The following ULK1 variants were observed in gnomAD, a reference collection of about 807,000 sequenced individuals.
ULK1 encodes unc-51 like autophagy activating kinase 1, also known as serine/threonine-protein kinase ULK1.
A neutral mutation model predicts 117.5 loss-of-function variants in ULK1; 48 were observed. That is an observed-to-expected ratio of 0.41 (90% CI 0.32 to 0.52). The LOEUF (loss-of-function observed/expected upper bound fraction) is 0.52. ULK1 is among the 20% of genes least tolerant of loss of function. The pLI, the probability that ULK1 is intolerant of heterozygous loss-of-function variation, is 0.29. For missense variants in ULK1, 1,387 were observed against 1,473.4 expected (o/e 0.94, Z 0.96); for synonymous variants, 790 against 637.8 (o/e 1.24, Z -3.60).
intron 12 of ULK1, 68 bp downstream of exon 12, chr12:131,910,868 G>A: frequency 1.9e-6 from 3 of 1,597,522 alleles, no homozygotes; most frequent in South Asian, 2.2e-5. Context: ...CCAGCCCTGG[G>A]CCCCCGCGGG....
rs1050751677 is a variant in ULK1, at chr12:131,909,058, G to A, written c.565-78G>A. On this transcript the variant is annotated intron_variant, in intron 7 of 27. Transcript: ENST00000321867. ...GCTGGCGTGTGGTGCGCTCTGCTCT[G>A]GTTGGCTGTGGCCTGGCGGGCACCT... The A allele has an allele frequency of 3.4e-5, 55 of 1,608,558 alleles. 1 individual carries two copies. The highest frequency in any genetic ancestry group is 4.2e-5 in the Non-Finnish European group (50 of 1,178,284).
chr12:131,904,140 G>C (rs1434535807), intron 3 of ULK1, among the ~76,000 whole-genome samples: 1 of 151,966 alleles, frequency 6.6e-6, no homozygotes, highest in African/African-American at 2.4e-5. Context: ...GGGTCTCCCT[G>C]GTGGGCCTCT....
In ULK1 at chr12:131,908,943, C is replaced by T; in HGVS notation, c.536C>T (p.Ala179Val). The T allele has an allele frequency of 6.2e-7, 1 of 1,612,602 alleles. No individual in the cohort carries two copies. Among genetic ancestry groups the T allele is most frequent in the South Asian group, 1.1e-5 (1 of 91,088 alleles). Residue 179 changes from alanine to valine, a missense_variant, in exon 7 of 28, where the codon GCC becomes GTC. This residue lies in a region of ULK1 where 224 missense variants were observed against 325.2 expected (regional missense o/e 0.69). Transcript: ENST00000321867. Reference sequence around the variant, plus strand: ...TACCTCCAGAGCAACATGATGGCGGCCACACTCTGCGGCTCCCCCATGTAC... The same window carrying T: ...TACCTCCAGAGCAACATGATGGCGGTCACACTCTGCGGCTCCCCCATGTAC... ...ARYLQSNMMAATLCGSPMYMA... is the reference protein window; with the variant it reads ...ARYLQSNMMAVTLCGSPMYMA...
Position 131,922,119 on chromosome 12 carries a change from T to G in ULK1, c.*758T>G. On this transcript the variant is annotated 3_prime_UTR_variant, in exon 28 of 28. Transcript: ENST00000321867. ...GTGTTCTCTCAGCCCTGGATACGTC[T>G]TGTAATCTTTCACACTTTATTCCTA... 2.4e-6 allele frequency: 1 copy of G among 414,284 alleles called. No individual in the cohort carries two copies. The highest frequency in any genetic ancestry group is 4.9e-6 in the Non-Finnish European group (1 of 205,878). The allele number at this position is 414,284 out of a possible 1,614,324, so 25.7% of individuals were successfully genotyped here. A position where few individuals can be genotyped will look rare whatever the true frequency, so the allele number is the denominator to read the frequency against.
At chr12:131,901,366 A>G (rs1354416166) in intron 3 of ULK1, among the ~76,000 whole-genome samples, 5 of 152,078 alleles carry the variant, frequency 3.3e-5, no homozygotes, top group Non-Finnish European at 7.4e-5. Context: ...AAAAAAAAAA[A>G]AAAGAAAAAA....
rs759999368 is a variant in ULK1 at position 131,915,145 on chromosome 12, C to T, written c.1436C>T (p.Ser479Leu). The T allele has an allele frequency of 1.9e-5, 31 of 1,606,034 alleles. No individual in the cohort carries two copies. The highest frequency in any genetic ancestry group is 1.3e-4 in the East Asian group (6 of 44,780). The change falls in exon 17 of 28, where the codon TCG becomes TTG. Residue 479 changes from serine (S) to leucine (L), a missense_variant. This residue lies in a region of ULK1 where 900 missense variants were observed against 858.9 expected (regional missense o/e 1.05). Transcript: ENST00000321867. Reference protein sequence around the residue: ...SPLGFARASPSPPAHAEHGGV... With the variant: ...SPLGFARASPLPPAHAEHGGV... ...CTGGGCTTTGCAAGGGCCAGCCCCT[C>T]GCCCCCTGCCCACGCTGAGCATGGA...
chr12:131,916,632 C>T, intron 20 of ULK1, 41 bp downstream of exon 20: 1 of 1,495,028 alleles, frequency 6.7e-7, no homozygotes, highest in African/African-American at 1.4e-5. Flanking sequence ...TTCTGAGGGG[C>T]AGCCTCTTTC....
chr12:131,920,468 C>T, intron 26 of ULK1: 1 of 334,264 alleles, frequency 3.0e-6, no homozygotes. Flanking sequence ...GGACAACCTG[C>T]CTGGAAGTGT....
chr12:131,921,411 GCT>G lies in ULK1; in HGVS notation c.*53_*54del. On this transcript the variant is annotated 3_prime_UTR_variant, in exon 28 of 28. Coordinates refer to ENST00000321867, the MANE Select transcript of ULK1 (RefSeq NM_003565.4). ...CGTCCTGCCGAGCCCTGCAGAGTGG[GCT>G]CTGTGTGCTGGCTGGACTCCTCGGG... 6.3e-7 allele frequency: 1 copy of G among 1,597,980 alleles called. No homozygotes were observed. Among genetic ancestry groups the G allele is most frequent in the Non-Finnish European group, 8.5e-7 (1 of 1,179,032 alleles).
chr12:131,919,988 G>A lies in ULK1; in HGVS notation c.2813G>A (p.Arg938Lys). 6.2e-7 allele frequency: 1 copy of A among 1,612,638 alleles called. No homozygotes were observed. Among genetic ancestry groups the A allele is most frequent in the Admixed American group, 1.7e-5 (1 of 60,010 alleles). The stretch of plus-strand genomic sequence containing the variant: ...CCCTCGTCCTTTGCAGTGGTGCGCA[G>A]GCTGAATGAGCTGTACAAGGCCAGC... ...LSSTVKQVVRRLNELYKASVV... is the reference protein window; with the variant it reads ...LSSTVKQVVRKLNELYKASVV... Residue 938 changes from arginine (R) to lysine (K), a missense_variant, in exon 26 of 28, where the codon AGG (arginine) becomes AAG (lysine). Coordinates refer to ENST00000321867, the MANE Select transcript of ULK1 (RefSeq NM_003565.4).
At position 131,895,095 on chromosome 12, in the gene ULK1, A is replaced by C. The variant is rs1176992451; in HGVS notation, c.94A>C (p.Lys32Gln). The C allele has an allele frequency of 1.9e-6, 3 of 1,562,450 alleles. No homozygotes were observed. Among genetic ancestry groups the C allele is most frequent in the Non-Finnish European group, 2.6e-6 (3 of 1,163,056 alleles). Reference protein sequence around the residue: ...IGHGAFAVVFKGRHREKHDLE... With the variant: ...IGHGAFAVVFQGRHREKHDLE... ...CCACGGCGCCTTCGCGGTGGTCTTC[A>C]AGGGCCGCCACCGCGAGGTGAGGCC... Residue 32 changes from lysine to glutamine, a missense_variant, in exon 1 of 28, where the codon AAG becomes CAG. Transcript: ENST00000321867.
rs1889180780 is a variant in ULK1 at position 131,903,988 on chromosome 12, G to A, written c.247-2904G>A. Among the ~76,000 whole-genome samples, 1 of 152,124 alleles carries A rather than the reference G, an allele frequency of 6.6e-6. No individual in the cohort carries two copies. Among genetic ancestry groups the A allele is most frequent in the African/African-American group, 2.4e-5 (1 of 41,424 alleles). Reference sequence around the variant, plus strand: ...TAGCGAGGTGGGTTCCAGCACCCATGAGGCCAGTGTGGCTGGAGGGATGGC... The same window carrying A: ...TAGCGAGGTGGGTTCCAGCACCCATAAGGCCAGTGTGGCTGGAGGGATGGC... On this transcript the variant is annotated intron_variant, in intron 3 of 27. Coordinates refer to ENST00000321867, the MANE Select transcript of ULK1 (RefSeq NM_003565.4). This position sits in a 1 kb window ranked among gnomAD's most constrained non-coding sequence, Gnocchi z 6.0.
At position 131,916,969 on chromosome 12, in the gene ULK1, C is replaced by T. The variant is rs759685631; in HGVS notation, c.2089C>T (p.Arg697Cys). 99 of 1,610,190 alleles carry T rather than the reference C, an allele frequency of 6.1e-5. No homozygotes were observed. Among genetic ancestry groups the T allele is most frequent in the Non-Finnish European group, 7.3e-5 (86 of 1,179,032 alleles). ...CTCCCACAGGTCTTTCAGCACCAGC[C>T]GCCTCACTGACCTGCTCCTTAAGGC... ...GPFGRSFSTS[R>C]LTDLLLKAAF... Residue 697 changes from arginine to cysteine, a missense_variant, in exon 21 of 28, where the codon CGC (arginine) becomes TGC (cysteine). This residue lies in a region of ULK1 where 900 missense variants were observed against 858.9 expected (regional missense o/e 1.05). Transcript: ENST00000321867.
At chr12:131,916,725 T>C in intron 20 of ULK1, 134 bp downstream of exon 20, 1 of 1,251,014 alleles carries the variant, frequency 8.0e-7, no homozygotes, top group Non-Finnish European at 1.1e-6. Context: ...CCAGTGTGGC[T>C]GGGTGCCAGA....
intron 13 of ULK1, among the ~76,000 whole-genome samples, chr12:131,912,732 C>G (rs760856302): frequency 2.6e-5 from 4 of 152,194 alleles, no homozygotes; most frequent in African/African-American, 7.2e-5. Context: ...CAGACAGACC[C>G]GGGGAGGGCC....
chr12:131,918,037 G>A (rs1889941892), intron 22 of ULK1, among the ~76,000 whole-genome samples: 1 of 152,164 alleles, frequency 6.6e-6, no homozygotes, highest in Admixed American at 6.5e-5. Context: ...TGGGCGTCTG[G>A]TCCTGGCCAG....
chr12:131,905,714 G>A lies in ULK1; in HGVS notation c.247-1178G>A, dbSNP rs1036930470. Among the ~76,000 whole-genome samples, 4 of 152,290 alleles carry A rather than the reference G, an allele frequency of 2.6e-5. No homozygotes were observed. The South Asian group carries it at 6.2e-4, about 24-fold the overall frequency. On this transcript the variant is annotated intron_variant, in intron 3 of 27. Coordinates refer to ENST00000321867, the MANE Select transcript of ULK1 (RefSeq NM_003565.4). ...GCCTCACTCTCCTTGTCTGTGAAAC[G>A]GGGGTGATGAGGACTCGTCCCTGTG...
At chr12:131,905,225 C>T (rs1460024812) in intron 3 of ULK1, among the ~76,000 whole-genome samples, 1 of 152,208 alleles carries the variant, frequency 6.6e-6, no homozygotes, top group African/African-American at 2.4e-5. Flanking sequence ...TGTCCCCACT[C>T]AGCATCCTCG....
intron 23 of ULK1, 40 bp downstream of exon 23, chr12:131,918,721 A>AGGGTGTGTG (rs148784641): frequency 4.9e-5 from 53 of 1,089,860 alleles, no homozygotes; most frequent in Admixed American, 1.1e-4. Flanking sequence ...TTCTGGCTGG[A>AGGGTGTGTG]GGGTGTGTGG....
Sources: allele counts gnomAD v4.1 joint callset (sites outside exome capture counted in the v4.1 genomes callset), GRCh38; gene constraint gnomAD v4.1.1; regional missense constraint gnomAD v4.1.1; non-coding constraint Gnocchi (gnomAD v3.1); transcripts MANE v1.5; gene names NCBI Gene and HGNC (gene_info 2026-07-23, HGNC 2026-07-21).